The following CBY2 variants were observed in gnomAD, a reference collection of about 807,000 sequenced individuals.
CBY2 encodes chibby family member 2, also known as protein chibby homolog 2.
CBY2 carries 23 observed loss-of-function variants against 25.3 expected under a neutral mutation model. The ratio of observed to expected loss-of-function variants is 0.91; its 90% CI spans 0.65 to 1.29. CBY2 has a LOEUF of 1.29. Among genes scored for constraint, CBY2 ranks in the 50% most tolerant of loss-of-function variants. CBY2 has a pLI of 0.00. For missense variants in CBY2, 642 were observed against 590.7 expected (o/e 1.09, Z -0.90); for synonymous variants, 279 against 260.2 (o/e 1.07, Z -0.70).
intron 2 of CBY2, among the ~76,000 whole-genome samples, chr13:45,712,565 G>A (rs1950276751): frequency 6.6e-6 from 1 of 152,210 alleles, no homozygotes; most frequent in African/African-American, 2.4e-5. Context: ...GTTGTGTGAA[G>A]TTGAGTCCCC....
Position 45,708,061 on chromosome 13 carries a change from C to T in CBY2, c.157-5121C>T, listed in dbSNP as rs575268357. ...CTCCTTTTATTTCTGAACAACAAAC[C>T]CTCTGAGAGAAGTAGGGCAGATGTT... is the stretch of plus-strand genomic sequence containing the variant. On this transcript the variant is annotated intron_variant, in intron 2 of 2. Coordinates refer to ENST00000310521, the MANE Select transcript of CBY2 (RefSeq NM_152719.3). Among the ~76,000 whole-genome samples the T allele has an allele frequency of 1.1e-3, 164 of 152,202 alleles. 1 individual carries two copies. The highest frequency in any genetic ancestry group is 3.7e-3 in the African/African-American group (152 of 41,514).
At chr13:45,705,928 C>T (rs1395857146) in intron 2 of CBY2, among the ~76,000 whole-genome samples, 1 of 152,202 alleles carries the variant, frequency 6.6e-6, no homozygotes, top group Non-Finnish European at 1.5e-5. Flanking sequence ...TTGGACATCT[C>T]TTCTGGGCTG....
rs776992104 is a variant in CBY2 at position 45,713,779 on chromosome 13, G to T, written c.754G>T (p.Glu252Ter). The T allele has an allele frequency of 1.3e-6, 2 of 1,597,166 alleles. No homozygotes were observed. Among genetic ancestry groups the T allele is most frequent in the Non-Finnish European group, 8.5e-7 (1 of 1,172,212 alleles). ...KEDSTLQLLR[E>*]ENRALQQLLE... ...GGACAGCACCCTGCAGCTCCTCCGG[G>T]AGGAGAATCGCGCGCTGCAGCAGCT... The change falls in exon 3 of 3, where the codon GAG becomes TAG. Residue 252 changes from glutamate (E) to a stop codon, truncating the protein, a stop_gained. Transcript: ENST00000310521. LOFTEE classifies it high-confidence loss of function. This position sits in a 1 kb window ranked among gnomAD's most constrained non-coding sequence, Gnocchi z 5.0.
rs1256535498 is a variant in CBY2 at position 45,714,183 on chromosome 13, A to G, written c.1158A>G (p.Leu386=). 1 of 1,611,238 alleles carries G rather than the reference A, an allele frequency of 6.2e-7. No individual in the cohort carries two copies. Among genetic ancestry groups the G allele is most frequent in the East Asian group, 2.2e-5 (1 of 44,806 alleles). ...LQEENRTLQV[L]RAEHRGFQEE... is the part of the protein sequence containing the mutation. Reference sequence around the variant, plus strand: ...AGGAGAACAGGACCCTGCAGGTGCTACGGGCAGAGCACAGGGGCTTCCAGG... The same window carrying G: ...AGGAGAACAGGACCCTGCAGGTGCTGCGGGCAGAGCACAGGGGCTTCCAGG... The change falls in exon 3 of 3, where the codon CTA becomes CTG. Residue 386 remains leucine, a synonymous_variant. Coordinates refer to ENST00000310521, the MANE Select transcript of CBY2 (RefSeq NM_152719.3).
In CBY2 at chr13:45,714,416, A is replaced by T. The variant is rs1208203691; in HGVS notation, c.*44A>T. ...GGACGCCGAGTTTGGGACACCGAAC[A>T]CTGGGCAAAAGAGAATCCCCTGCCT... On this transcript the variant is annotated 3_prime_UTR_variant, in exon 3 of 3. Transcript: ENST00000310521. 6.8e-7 allele frequency: 1 copy of T among 1,477,224 alleles called. No individual in the cohort carries two copies. The highest frequency in any genetic ancestry group is 9.1e-7 in the Non-Finnish European group (1 of 1,098,042). 91.5% of individuals were successfully genotyped at this position (1,477,224 alleles called of 1,614,324 possible).
chr13:45,714,308 T>C lies in CBY2; in HGVS notation c.1283T>C (p.Ile428Thr). ...GTCACCGCGCGCATGGAAATGCTCA[T>C]CGAGGAGCTCTACGCCTTCATGCCG... ...TEVTARMEML[I>T]EELYAFMPAR... is the part of the protein sequence containing the mutation. Residue 428 changes from isoleucine to threonine, a missense_variant, in exon 3 of 3, where the codon ATC (isoleucine) becomes ACC (threonine). Physicochemically the swap from Ile to Thr is moderately conservative, Grantham distance 89 (BLOSUM62 -1). Coordinates refer to ENST00000310521, the MANE Select transcript of CBY2 (RefSeq NM_152719.3). 6.2e-7 allele frequency: 1 copy of C among 1,613,076 alleles called. No homozygotes were observed. Among genetic ancestry groups the C allele is most frequent in the Non-Finnish European group, 8.5e-7 (1 of 1,179,834 alleles).
chr13:45,713,468 C>T lies in CBY2; in HGVS notation c.443C>T (p.Ser148Phe), dbSNP rs1171934443. The T allele has an allele frequency of 1.9e-6, 3 of 1,614,220 alleles. No individual in the cohort carries two copies. Among genetic ancestry groups the T allele is most frequent in the Non-Finnish European group, 8.5e-7 (1 of 1,180,044 alleles). ...TGCCGCCTGCAGTCTCCCTACTTCTCCCCATCCGCCTCCTTCCACCACAAG... is the reference window on the plus strand; with the variant it reads ...TGCCGCCTGCAGTCTCCCTACTTCTTCCCATCCGCCTCCTTCCACCACAAG... Reference protein sequence around the residue: ...ENCRLQSPYFSPSASFHHKLH... With the variant: ...ENCRLQSPYFFPSASFHHKLH... Residue 148 changes from serine (S) to phenylalanine (F), a missense_variant, in exon 3 of 3, where the codon TCC (serine) becomes TTC (phenylalanine). Transcript: ENST00000310521. The surrounding 1 kb of genome is among the most constrained non-coding windows in gnomAD (Gnocchi z 5.0).
chr13:45,707,112 C>G (rs1208406079), intron 2 of CBY2, among the ~76,000 whole-genome samples: 2 of 152,132 alleles, frequency 1.3e-5, no homozygotes, highest in Non-Finnish European at 2.9e-5. Flanking sequence ...GGCAAAATGA[C>G]TTTCTCAAGA....
chr13:45,703,302 A>G lies in CBY2; in HGVS notation c.156+447A>G, dbSNP rs1950221649. 5.1e-6 allele frequency: 7 copies of G among 1,367,698 alleles called. No individual in the cohort carries two copies. The East Asian group carries it at 1.6e-4, about 32-fold the overall frequency. The allele number at this position is 1,367,698 out of a possible 1,614,324, so 84.7% of individuals were successfully genotyped here. ...GGTACAGAGTTATTTGGAGCTGTCAAGAGAATTAAGCCCTGCTATGCATCA... is the reference window on the plus strand; with the variant it reads ...GGTACAGAGTTATTTGGAGCTGTCAGGAGAATTAAGCCCTGCTATGCATCA... On this transcript the variant is annotated intron_variant, in intron 2 of 2. Transcript: ENST00000310521.
intron 2 of CBY2, chr13:45,703,520 A>T: frequency 6.4e-7 from 1 of 1,550,924 alleles, no homozygotes; most frequent in East Asian, 2.4e-5. Context: ...GAGTCACCTA[A>T]GTCCTCATTG....
In CBY2 at chr13:45,713,305, C is replaced by T. The variant is rs764889227; in HGVS notation, c.280C>T (p.Arg94Cys). ...MASQHSYPLN[R>C]FSSVPLDPME... ...GAGCCAGCACTCCTATCCACTGAAC[C>T]GCTTCTCCTCCGTGCCTTTAGACCC... The change falls in exon 3 of 3, where the codon CGC becomes TGC. Residue 94 changes from arginine to cysteine, a missense_variant. Arg to Cys is a radical substitution (Grantham distance 180, BLOSUM62 -3). Coordinates refer to ENST00000310521, the MANE Select transcript of CBY2 (RefSeq NM_152719.3). This position sits in a 1 kb window ranked among gnomAD's most constrained non-coding sequence, Gnocchi z 5.0. The T allele has an allele frequency of 4.4e-5, 71 of 1,614,028 alleles. No homozygotes were observed. The highest frequency in any genetic ancestry group is 5.4e-5 in the Non-Finnish European group (64 of 1,180,042).
Position 45,713,816 on chromosome 13 carries a change from A to G in CBY2, c.791A>G (p.Lys264Arg). ...GCGCTGCAGCAGCTGCTGGAGCAGA[A>G]ACAGGCCTACTGGGCGCAGGCAGAG... ...NRALQQLLEQ[K>R]QAYWAQAEDT... is the part of the protein sequence containing the mutation. The change falls in exon 3 of 3, where the codon AAA becomes AGA. Residue 264 changes from lysine to arginine, a missense_variant. By Grantham distance (26) the Lys-to-Arg change is conservative. Transcript: ENST00000310521. The surrounding 1 kb of genome is among the most constrained non-coding windows in gnomAD (Gnocchi z 5.0). 1 of 1,552,652 alleles carries G rather than the reference A, an allele frequency of 6.4e-7. No individual in the cohort carries two copies. Among genetic ancestry groups the G allele is most frequent in the African/African-American group, 1.4e-5 (1 of 73,550 alleles).
At chr13:45,708,326 C>G (rs1330594357) in intron 2 of CBY2, among the ~76,000 whole-genome samples, 3 of 152,218 alleles carry the variant, frequency 2.0e-5, no homozygotes, top group Admixed American at 1.3e-4. Flanking sequence ...TTCCCCACAC[C>G]TTGCTGCCTG....
Position 45,713,383 on chromosome 13 carries a change from C to A in CBY2, c.358C>A (p.Arg120=), listed in dbSNP as rs1233972666. 1 of 1,614,054 alleles carries A rather than the reference C, an allele frequency of 6.2e-7. No homozygotes were observed. Among genetic ancestry groups the A allele is most frequent in the Non-Finnish European group, 8.5e-7 (1 of 1,180,044 alleles). Residue 120 remains arginine, a synonymous_variant, in exon 3 of 3, where the codon CGG becomes AGG. Transcript: ENST00000310521. The surrounding 1 kb of genome is among the most constrained non-coding windows in gnomAD (Gnocchi z 5.0). ...ADLELDYNPP[R]VQLSDEMFVF... is the part of the protein sequence containing the mutation. ...CCTGGAGCTGGACTACAACCCGCCG[C>A]GGGTGCAGCTCAGCGACGAGATGTT...
At chr13:45,711,383 A>C (rs75309381) in intron 2 of CBY2, among the ~76,000 whole-genome samples, 7,336 of 152,154 alleles carry the variant, frequency 0.048, 587 homozygotes, top group African/African-American at 0.17. Flanking sequence ...CAATGTTGGA[A>C]GGTGCCTTTA....
chr13:45,703,347 T>C (rs972271388), intron 2 of CBY2: 5 of 1,425,554 alleles, frequency 3.5e-6, no homozygotes, highest in Non-Finnish European at 4.6e-6. Flanking sequence ...GTAGGGGCCA[T>C]GGGCATAGAT....
chr13:45,703,027 C>T, intron 2 of CBY2, 172 bp downstream of exon 2: 1 of 1,177,780 alleles, frequency 8.5e-7, no homozygotes, highest in Non-Finnish European at 1.1e-6. Flanking sequence ...GCCACATAGC[C>T]CCTCTGGGCC....
chr13:45,710,883 C>T (rs1346992452), intron 2 of CBY2, among the ~76,000 whole-genome samples: 1 of 152,338 alleles, frequency 6.6e-6, no homozygotes, highest in South Asian at 2.1e-4. Flanking sequence ...TTATCTAGCT[C>T]TTTAAGTTTT....
Position 45,714,122 on chromosome 13 carries a change from T to C in CBY2, c.1097T>C (p.Leu366Pro). The change falls in exon 3 of 3, where the codon CTG (leucine) becomes CCG (proline). Residue 366 changes from leucine (L) to proline (P), a missense_variant. Physicochemically the swap from Leu to Pro is moderately conservative, Grantham distance 98 (BLOSUM62 -3). Coordinates refer to ENST00000310521, the MANE Select transcript of CBY2 (RefSeq NM_152719.3). ...CTGCTGAGAGAGATGAGGCAGGCGCTGCAGGCCCTGCTCAAGGAGAACCGG... is the reference window on the plus strand; with the variant it reads ...CTGCTGAGAGAGATGAGGCAGGCGCCGCAGGCCCTGCTCAAGGAGAACCGG... ...LQLLREMRQA[L>P]QALLKENRLL... 1 of 1,574,380 alleles carries C rather than the reference T, an allele frequency of 6.4e-7. No homozygotes were observed. The highest frequency in any genetic ancestry group is 8.6e-7 in the Non-Finnish European group (1 of 1,158,944).
Sources: gnomAD v4.1 joint callset for allele counts (sites outside exome capture counted in the v4.1 genomes callset) on GRCh38, gnomAD v4.1.1 for gene constraint, Gnocchi (gnomAD v3.1) non-coding constraint, MANE v1.5 for transcripts, NCBI Gene and HGNC (gene_info 2026-07-23, HGNC 2026-07-21) for gene names.